Variants in SREBF2 observed in about 807,000 individuals in gnomAD.
SREBF2 encodes sterol regulatory element-binding protein 2.
SREBF2 carries 55 observed loss-of-function variants against 113.1 expected under a neutral mutation model. The observed-to-expected ratio is 0.49, with a 90% CI of 0.39 to 0.61. The LOEUF (loss-of-function observed/expected upper bound fraction) is 0.61. Among genes scored for constraint, SREBF2 ranks in the 20% least tolerant of loss-of-function variants. The pLI, the probability that SREBF2 is intolerant of heterozygous loss-of-function variation, is 0.00. For synonymous variants in SREBF2, 593 were observed against 605.7 expected (o/e 0.98, Z 0.31); for missense variants, 1,349 against 1,487.4 (o/e 0.91, Z 1.53).
Position 41,905,695 on chromosome 22 carries a change from C to T in SREBF2, c.*35C>T, listed in dbSNP as rs368111329. The T allele has an allele frequency of 3.8e-5, 59 of 1,536,186 alleles. No homozygotes were observed. Among genetic ancestry groups the T allele is most frequent in the Middle Eastern group, 1.7e-4 (1 of 5,980 alleles). On this transcript the variant is annotated 3_prime_UTR_variant, in exon 19 of 19. Coordinates refer to ENST00000361204, the MANE Select transcript of SREBF2 (RefSeq NM_004599.4). Reference sequence around the variant, plus strand: ...TCAGCCCACCCCTCCACCTCTCTCTCGATTTCTCTCTCTCCCCCTCAGCAT... The same window carrying T: ...TCAGCCCACCCCTCCACCTCTCTCTTGATTTCTCTCTCTCCCCCTCAGCAT...
intron 17 of SREBF2, among the ~76,000 whole-genome samples, chr22:41,903,477 C>A (rs2077481648): frequency 6.6e-6 from 1 of 152,192 alleles, no homozygotes; most frequent in Non-Finnish European, 1.5e-5. Flanking sequence ...GCTCTGAGGG[C>A]AATGGTGGCA....
At chr22:41,855,554 G>A (rs1181237242) in intron 1 of SREBF2, among the ~76,000 whole-genome samples, 1 of 152,092 alleles carries the variant, frequency 6.6e-6, no homozygotes, top group Non-Finnish European at 1.5e-5. Context: ...ATGTCCTACA[G>A]TGCAATGAAA....
At chr22:41,875,303 G>A in intron 5 of SREBF2, 34 bp from the exon 6 acceptor site, 8 of 1,571,634 alleles carry the variant, frequency 5.1e-6, no homozygotes, top group Non-Finnish European at 7.0e-6. Flanking sequence ...GCCTGCACTG[G>A]TCTCACTGTG....
chr22:41,856,901 T>TTCC (rs2076982071), intron 1 of SREBF2, among the ~76,000 whole-genome samples: 2 of 151,960 alleles, frequency 1.3e-5, no homozygotes, highest in African/African-American at 4.8e-5. Flanking sequence ...ACGAAGTCTC[T>TTCC]ACTAAAAATA....
At chr22:41,888,469 T>TCTG (rs3216440) in intron 11 of SREBF2, among the ~76,000 whole-genome samples, 36,242 of 151,916 alleles carry the variant, frequency 0.24, 6,169 homozygotes, top group African/African-American at 0.48. Context: ...TGCCTCCAGA[T>TCTG]CTAGTCTGTT....
chr22:41,852,961 G>A (rs1328064427), intron 1 of SREBF2, among the ~76,000 whole-genome samples: 1 of 151,946 alleles, frequency 6.6e-6, no homozygotes, highest in Non-Finnish European at 1.5e-5. Flanking sequence ...TGTTGGCCAG[G>A]CTTGTCTCGA....
chr22:41,875,763 C>A (rs2077192235), intron 7 of SREBF2, 39 bp downstream of exon 7: 2 of 1,609,326 alleles, frequency 1.2e-6, no homozygotes, highest in East Asian at 2.2e-5. Context: ...TGGAATCTTT[C>A]CCATTTCCCC....
intron 1 of SREBF2, among the ~76,000 whole-genome samples, chr22:41,853,023 T>A (rs897437300): frequency 1.3e-5 from 2 of 152,216 alleles, no homozygotes; most frequent in Non-Finnish European, 2.9e-5. Context: ...GTGCTGGGAT[T>A]ACAGGCATGA....
chr22:41,899,151 C>T (rs2148417973), intron 15 of SREBF2: 2 of 1,040,254 alleles, frequency 1.9e-6, no homozygotes, highest in Non-Finnish European at 2.5e-6. Context: ...ACAATCAGTG[C>T]AGAGAGGCCA....
intron 1 of SREBF2, 67 bp from the exon 2 acceptor site, chr22:41,866,764 T>A: frequency 5.1e-6 from 8 of 1,582,458 alleles, no homozygotes; most frequent in Non-Finnish European, 6.9e-6. Context: ...TGCCTTAGTT[T>A]CTTAAGCAAG....
chr22:41,885,897 GCGC>G (rs1281141211), intron 11 of SREBF2: 1 of 152,218 alleles, frequency 6.6e-6, no homozygotes, highest in Non-Finnish European at 1.5e-5. Flanking sequence ...GGGACAAAGG[GCGC>G]AGGGAAGCCC....
rs368342137 is a variant in SREBF2, at chr22:41,900,462, C to T, written c.2871C>T (p.Asn957=). 1.3e-5 allele frequency: 21 copies of T among 1,613,868 alleles called. No individual in the cohort carries two copies. The highest frequency in any genetic ancestry group is 6.7e-5 in the Admixed American group (4 of 60,034). ...GTGGCCACCTATGGAGCAGCCTCAA[C>T]GTCAGTGGGGCCACCTCTGACCCTG... The part of the protein sequence containing the change: ...RASGHLWSSL[N]VSGATSDPAL... Residue 957 remains asparagine, a synonymous_variant, in exon 16 of 19, where the codon AAC becomes AAT. Coordinates refer to ENST00000361204, the MANE Select transcript of SREBF2 (RefSeq NM_004599.4).
At chr22:41,895,203 A>G (rs1254836432) in intron 13 of SREBF2, among the ~76,000 whole-genome samples, 1 of 148,638 alleles carries the variant, frequency 6.7e-6, no homozygotes, top group African/African-American at 2.5e-5. Context: ...GCAGTGGCGC[A>G]ATCTTGGCAC....
intron 1 of SREBF2, among the ~76,000 whole-genome samples, chr22:41,846,068 G>A (rs1041605569): frequency 6.6e-6 from 1 of 152,150 alleles, no homozygotes; most frequent in Non-Finnish European, 1.5e-5. Context: ...CGAGTGTCTG[G>A]GTTTTGTGTA....
chr22:41,855,778 A>G (rs1044601965), intron 1 of SREBF2, among the ~76,000 whole-genome samples: 2 of 147,856 alleles, frequency 1.4e-5, no homozygotes, highest in Admixed American at 6.8e-5. Context: ...TTTTTGAGTC[A>G]GGGGTCTTGC....
Position 41,878,104 on chromosome 22 carries a change from C to T in SREBF2, c.1742C>T (p.Ala581Val). The T allele has an allele frequency of 6.2e-7, 1 of 1,614,168 alleles. No individual in the cohort carries two copies. Among genetic ancestry groups the T allele is most frequent in the Non-Finnish European group, 8.5e-7 (1 of 1,180,048 alleles). Residue 581 changes from alanine (A) to valine (V), a missense_variant, in exon 9 of 19, where the codon GCA becomes GTA. This residue lies in a region of SREBF2 where 699 missense variants were observed against 843.3 expected (regional missense o/e 0.83). Coordinates refer to ENST00000361204, the MANE Select transcript of SREBF2 (RefSeq NM_004599.4). ...ACCTTCTGGAGGCACCGGAAACAGG[C>T]AGATCTGGATCTCGCCAGAGTGAGT... ...SVTFWRHRKQ[A>V]DLDLARGDFA...
At chr22:41,835,027 A>G (rs1450127159) in intron 1 of SREBF2, among the ~76,000 whole-genome samples, 1 of 152,232 alleles carries the variant, frequency 6.6e-6, no homozygotes, top group Non-Finnish European at 1.5e-5. Flanking sequence ...CACAGCCAGT[A>G]GAAAGTACTG....
At chr22:41,890,672 A>AT (rs376557873) in intron 11 of SREBF2, among the ~76,000 whole-genome samples, 24,425 of 147,246 alleles carry the variant, frequency 0.17, 2,966 homozygotes, top group African/African-American at 0.34. Context: ...TTAAAAAAAA[A>AT]TTTTTTTTTT....
chr22:41,880,788 C>T lies in SREBF2; in HGVS notation c.1834C>T (p.Arg612Cys), dbSNP rs142520642. ...AVLGRALPTSRLDLACSLSWN... is the reference protein window; with the variant it reads ...AVLGRALPTSCLDLACSLSWN... ...TTTGGGCCGGGCACTGCCCACCTCC[C>T]GCCTGGACCTGGCCTGCAGCCTCTC... Residue 612 changes from arginine to cysteine, a missense_variant, in exon 10 of 19, where the codon CGC (arginine) becomes TGC (cysteine). Arg to Cys is a radical substitution (Grantham distance 180). Around this residue, in one of 2 missense-constraint regions of SREBF2, gnomAD observed 699 missense variants for 843.3 expected, o/e 0.83. Transcript: ENST00000361204. 91 of 1,614,182 alleles carry T rather than the reference C, an allele frequency of 5.6e-5. 1 individual carries two copies. Among genetic ancestry groups the T allele is most frequent in the African/African-American group, 4.7e-4 (35 of 75,062 alleles).
Sources: gnomAD v4.1 joint callset for allele counts (sites outside exome capture counted in the v4.1 genomes callset) on GRCh38, gnomAD v4.1.1 for gene constraint, gnomAD v4.1.1 regional missense constraint, MANE v1.5 for transcripts, NCBI Gene and HGNC (gene_info 2026-07-23, HGNC 2026-07-21) for gene names.